EIF4EBP1: variants seen among roughly 807,000 people sequenced by gnomAD.
EIF4EBP1 encodes the protein eukaryotic translation initiation factor 4E-binding protein 1.
A neutral mutation model predicts 9.2 loss-of-function variants in EIF4EBP1; 5 were observed. The ratio of observed to expected loss-of-function variants is 0.54; its 90% CI spans 0.28 to 1.14. The LOEUF (loss-of-function observed/expected upper bound fraction) is 1.14, where lower values mean the gene tolerates loss of function less well. Among genes scored for constraint, EIF4EBP1 ranks in the 50% most tolerant of loss-of-function variants. The probability of loss-of-function intolerance (pLI) is 0.09; values close to 1 mark genes in which losing one functional copy is unlikely to be tolerated. For missense variants in EIF4EBP1, 139 were observed against 169.6 expected, an observed-to-expected ratio of 0.82 and a Z score of 1.00; for synonymous variants, 62 against 67.0, an observed-to-expected ratio of 0.93 and a Z score of 0.36.
chr8:38,046,351 A>G (rs567228216), intron 1 of EIF4EBP1, among the ~76,000 whole-genome samples: 1 of 152,168 alleles, frequency 6.6e-6, no homozygotes, highest in Non-Finnish European at 1.5e-5. Flanking sequence ...TCATTCCTAT[A>G]TTTGGTGCAC....
chr8:38,056,663 C>CTT lies in EIF4EBP1; in HGVS notation c.146-401_146-400dup, dbSNP rs575250125. On this transcript the variant is annotated intron_variant, in intron 1 of 2. Coordinates refer to ENST00000338825, the MANE Select transcript of EIF4EBP1 (RefSeq NM_004095.4). ...CCCCAAATAAGCCTCACTACTCTGGCTTTTTTTTTTTTTTTTTTATGAAAA... is the reference window on the plus strand; with the variant it reads ...CCCCAAATAAGCCTCACTACTCTGGCTTTTTTTTTTTTTTTTTTTTATGAAAA... Among the ~76,000 whole-genome samples, 64 of 130,764 alleles carry CTT rather than the reference C, an allele frequency of 4.9e-4. 1 individual carries two copies. Among genetic ancestry groups the CTT allele is most frequent in the African/African-American group, 1.4e-3 (51 of 35,624 alleles). 85.8% of individuals were successfully genotyped at this position (130,764 alleles called of 152,430 possible). A position where few individuals can be genotyped will look rare whatever the true frequency, so the allele number is the denominator to read the frequency against.
intron 2 of EIF4EBP1, 146 bp downstream of exon 2, chr8:38,057,406 T>A: frequency 9.8e-7 from 1 of 1,020,604 alleles, no homozygotes; most frequent in Non-Finnish European, 1.4e-6. Flanking sequence ...GCCCAGAGGG[T>A]GAGAGTAGGG....
chr8:38,051,455 A>G (rs73674122), intron 1 of EIF4EBP1, among the ~76,000 whole-genome samples: 7,279 of 152,126 alleles, frequency 0.048, 600 homozygotes, highest in African/African-American at 0.16. Flanking sequence ...TCTTGAAGTC[A>G]CTTTGATCCT....
chr8:38,057,134 G>T lies in EIF4EBP1; in HGVS notation c.199G>T (p.Val67Leu). The T allele has an allele frequency of 6.2e-7, 1 of 1,614,194 alleles. No homozygotes were observed. The change falls in exon 2 of 3, where the codon GTG becomes TTG. Residue 67 changes from valine to leucine, a missense_variant. Physicochemically the swap from Val to Leu is conservative, Grantham distance 32. Coordinates refer to ENST00000338825, the MANE Select transcript of EIF4EBP1 (RefSeq NM_004095.4). ...KFLMECRNSP[V>L]TKTPPRDLPT... ...CCTGATGGAGTGTCGGAACTCACCT[G>T]TGACCAAAACACCCCCAAGGGATCT...
intron 1 of EIF4EBP1, among the ~76,000 whole-genome samples, chr8:38,048,345 GT>G (rs1809472976): frequency 6.6e-6 from 1 of 151,902 alleles, no homozygotes. Context: ...CTTGAGCCAA[GT>G]ACTATCTATA....
intron 1 of EIF4EBP1, among the ~76,000 whole-genome samples, chr8:38,046,940 CTCT>C (rs1809455472): frequency 6.6e-6 from 1 of 152,214 alleles, no homozygotes; most frequent in Non-Finnish European, 1.5e-5. Flanking sequence ...GGGTGCTCCT[CTCT>C]TCTTCCCTTG....
At chr8:38,056,182 A>T (rs867297729) in intron 1 of EIF4EBP1, among the ~76,000 whole-genome samples, 153 of 151,806 alleles carry the variant, frequency 1.0e-3, no homozygotes, top group African/African-American at 3.5e-3. Flanking sequence ...TGTAGAGATG[A>T]GGTCTCTCTA....
intron 1 of EIF4EBP1, among the ~76,000 whole-genome samples, chr8:38,041,093 C>T (rs931279682): frequency 1.3e-5 from 2 of 152,150 alleles, no homozygotes; most frequent in East Asian, 3.8e-4. Context: ...AGCCATCGCG[C>T]CTGGCCTTTT....
chr8:38,052,761 C>T (rs1809542170), intron 1 of EIF4EBP1, among the ~76,000 whole-genome samples: 1 of 152,066 alleles, frequency 6.6e-6, no homozygotes, highest in African/African-American at 2.4e-5. Flanking sequence ...CAATGTTGCC[C>T]AGGCTGGTCT....
intron 1 of EIF4EBP1, among the ~76,000 whole-genome samples, chr8:38,047,870 T>C (rs1053250848): frequency 2.6e-5 from 4 of 152,166 alleles, no homozygotes; most frequent in African/African-American, 9.7e-5. Context: ...AAAATTACAT[T>C]TCAAAGTTTT....
chr8:38,046,879 C>G (rs1452002183), intron 1 of EIF4EBP1, among the ~76,000 whole-genome samples: 1 of 152,180 alleles, frequency 6.6e-6, no homozygotes, highest in South Asian at 2.1e-4. Flanking sequence ...GAACTCTACC[C>G]CCAGCACACA....
chr8:38,043,915 A>G (rs1196405303), intron 1 of EIF4EBP1, among the ~76,000 whole-genome samples: 1 of 151,952 alleles, frequency 6.6e-6, no homozygotes, highest in African/African-American at 2.4e-5. Flanking sequence ...CCAGCCAGAA[A>G]AGCCACCCAG....
chr8:38,058,975 T>G (rs1809633884), intron 2 of EIF4EBP1, among the ~76,000 whole-genome samples: 2 of 151,936 alleles, frequency 1.3e-5, no homozygotes. Flanking sequence ...TCCCAACTAC[T>G]TGGGAGGCTG....
At chr8:38,045,482 A>C (rs1259876593) in intron 1 of EIF4EBP1, among the ~76,000 whole-genome samples, 2 of 150,982 alleles carry the variant, frequency 1.3e-5, no homozygotes, top group Non-Finnish European at 2.9e-5. Flanking sequence ...AGGTGGGGGG[A>C]TTGCTTGAGC....
chr8:38,053,110 C>T (rs1165125422), intron 1 of EIF4EBP1, among the ~76,000 whole-genome samples: 3 of 152,112 alleles, frequency 2.0e-5, no homozygotes, highest in Non-Finnish European at 2.9e-5. Flanking sequence ...CCTCCGCCTC[C>T]CAGGTTCAAC....
intron 1 of EIF4EBP1, among the ~76,000 whole-genome samples, chr8:38,051,389 T>C (rs1585529497): frequency 6.6e-6 from 1 of 152,270 alleles, no homozygotes; most frequent in East Asian, 1.9e-4. Context: ...CTTCTCATTC[T>C]TGGTGTTTGG....
intron 1 of EIF4EBP1, among the ~76,000 whole-genome samples, chr8:38,053,830 T>C (rs1161751030): frequency 6.6e-6 from 1 of 152,158 alleles, no homozygotes; most frequent in Non-Finnish European, 1.5e-5. Flanking sequence ...GATTTCACTA[T>C]ATAAGATACC....
At chr8:38,038,271 G>A (rs1809330547) in intron 1 of EIF4EBP1, among the ~76,000 whole-genome samples, 1 of 151,616 alleles carries the variant, frequency 6.6e-6, no homozygotes, top group South Asian at 2.1e-4. Context: ...CACTTTGGGA[G>A]GCTGAGGTGG....
chr8:38,050,814 G>A (rs1809510501), intron 1 of EIF4EBP1, among the ~76,000 whole-genome samples: 1 of 152,110 alleles, frequency 6.6e-6, no homozygotes, highest in South Asian at 2.1e-4. Context: ...GGGAACTCAG[G>A]AGCTGACCAG....
Sources: gnomAD v4.1 joint callset for allele counts (sites outside exome capture counted in the v4.1 genomes callset) on GRCh38, gnomAD v4.1.1 for gene constraint, MANE v1.5 for transcripts, NCBI Gene and HGNC (gene_info 2026-07-23, HGNC 2026-07-21) for gene names.